CYFIP2: variants seen among roughly 807,000 people sequenced by gnomAD.
CYFIP2 encodes cytoplasmic FMR1 interacting protein 2.
Under a neutral mutation model 158.7 loss-of-function variants are expected in CYFIP2, and 29 were observed. That is an observed-to-expected ratio of 0.18 (90% confidence interval 0.14 to 0.25). CYFIP2 has a LOEUF of 0.25. CYFIP2 is among the 10% of genes least tolerant of loss of function. The pLI is 1.00. For missense variants in CYFIP2, 852 were observed against 1,639.5 expected, an observed-to-expected ratio of 0.52 and a Z score of 8.29; for synonymous variants, 585 against 617.6, an observed-to-expected ratio of 0.95 and a Z score of 0.78.
At chr5:157,274,116 G>A (rs1043161009) in intron 1 of CYFIP2, among the ~76,000 whole-genome samples, 5 of 138,954 alleles carry the variant, frequency 3.6e-5, no homozygotes, top group Admixed American at 3.0e-4. Context: ...GGGAACAAGA[G>A]TGAAACTCTG....
intron 26 of CYFIP2, among the ~76,000 whole-genome samples, chr5:157,377,751 T>C (rs539751335): frequency 2.6e-5 from 4 of 152,356 alleles, no homozygotes; most frequent in African/African-American, 4.8e-5. Context: ...GATCCTATTA[T>C]ACACATGTTC....
intron 3 of CYFIP2, among the ~76,000 whole-genome samples, chr5:157,292,977 C>G (rs1237567764): frequency 6.6e-6 from 1 of 151,724 alleles, no homozygotes; most frequent in African/African-American, 2.4e-5. Context: ...GACTAAAGGG[C>G]TAATAAGTGA....
chr5:157,369,305 A>C (rs939349521), intron 26 of CYFIP2, among the ~76,000 whole-genome samples: 1 of 152,212 alleles, frequency 6.6e-6, no homozygotes, highest in Non-Finnish European at 1.5e-5. Flanking sequence ...TTACTGATGA[A>C]AATTTGTAGT....
At chr5:157,392,256 C>T (rs1229561383) in intron 30 of CYFIP2, among the ~76,000 whole-genome samples, 1 of 152,094 alleles carries the variant, frequency 6.6e-6, no homozygotes, top group Non-Finnish European at 1.5e-5. Context: ...TGTAGTGCAA[C>T]TTTTTGCCTT....
chr5:157,313,212 TCA>T (rs1759880948), intron 11 of CYFIP2, among the ~76,000 whole-genome samples: 1 of 152,244 alleles, frequency 6.6e-6, no homozygotes, highest in South Asian at 2.1e-4. Flanking sequence ...GAGCCTCTGG[TCA>T]CAACATTTTC....
rs1429605122 is a variant in CYFIP2, at chr5:157,383,409, G to A, written c.3207+50G>A. Reference sequence around the variant, plus strand: ...GCTCTGATCACTGACAGGAACTTGAGAGCATTTGACCAAACCCCCTCATTG... The same window carrying A: ...GCTCTGATCACTGACAGGAACTTGAAAGCATTTGACCAAACCCCCTCATTG... On this transcript the variant is annotated intron_variant, in intron 28 of 30. Coordinates refer to ENST00000620254, the MANE Select transcript of CYFIP2 (RefSeq NM_001037333.3). The A allele has an allele frequency of 3.2e-6, 5 of 1,546,152 alleles. No individual in the cohort carries two copies. In the East Asian group the frequency reaches 6.8e-5, roughly 21 times the overall value.
At chr5:157,360,477 A>G in intron 25 of CYFIP2, 105 bp downstream of exon 25, 3 of 864,606 alleles carry the variant, frequency 3.5e-6, no homozygotes, top group Non-Finnish European at 5.3e-6. Flanking sequence ...GAGCTGGCAG[A>G]GTACTGGCTA....
intron 28 of CYFIP2, chr5:157,384,809 G>A (rs527306195): frequency 5.4e-5 from 16 of 295,980 alleles, no homozygotes; most frequent in Admixed American, 2.1e-4. Flanking sequence ...GCGTGGTGGC[G>A]GGCACTTGTA....
intron 10 of CYFIP2, 90 bp downstream of exon 10, chr5:157,309,924 C>T (rs1207138835): frequency 3.2e-6 from 4 of 1,235,482 alleles, no homozygotes; most frequent in Non-Finnish European, 4.6e-6. Context: ...CTCCTCCCTC[C>T]CCAGATCCCT....
intron 14 of CYFIP2, 121 bp downstream of exon 14, chr5:157,320,049 T>A: frequency 8.2e-7 from 1 of 1,222,310 alleles, no homozygotes; most frequent in Non-Finnish European, 1.1e-6. Context: ...TCCAGAGGGC[T>A]CTTTAGGAGA....
intron 23 of CYFIP2, among the ~76,000 whole-genome samples, chr5:157,346,070 C>G (rs1193293058): frequency 2.0e-5 from 3 of 151,912 alleles, no homozygotes; most frequent in African/African-American, 7.3e-5. Context: ...TTATCTTCAT[C>G]TTTCTTTATT....
intron 26 of CYFIP2, chr5:157,364,436 G>A (rs141478279): frequency 0.013 from 1,919 of 152,250 alleles, 23 homozygotes; most frequent in South Asian, 0.027. Context: ...TCAGAGCTGA[G>A]ACCTGAGACA....
intron 13 of CYFIP2, among the ~76,000 whole-genome samples, chr5:157,315,770 C>G (rs1344471693): frequency 6.6e-6 from 1 of 152,138 alleles, no homozygotes; most frequent in Non-Finnish European, 1.5e-5. Context: ...AGTTAAGATT[C>G]AGCTATATCA....
chr5:157,352,403 G>A (rs563581929), intron 23 of CYFIP2, among the ~76,000 whole-genome samples: 12 of 152,270 alleles, frequency 7.9e-5, no homozygotes, highest in East Asian at 3.9e-4. Context: ...AACACTGCCC[G>A]CCTGGGCTGA....
chr5:157,309,975 G>A (rs2288070), intron 10 of CYFIP2, 141 bp downstream of exon 10: 65,333 of 798,902 alleles, frequency 0.082, 4,134 homozygotes, highest in East Asian at 0.23. Flanking sequence ...CCGGCCGGAG[G>A]GGAGCCGCGA....
chr5:157,327,578 AT>A (rs1376471211), intron 18 of CYFIP2, among the ~76,000 whole-genome samples: 37 of 118,820 alleles, frequency 3.1e-4, no homozygotes, highest in African/African-American at 6.1e-4. Context: ...AAAAAAAAAA[AT>A]TGCAAATCAA....
At chr5:157,322,097 C>T (rs1329150340) in intron 15 of CYFIP2, among the ~76,000 whole-genome samples, 3 of 152,120 alleles carry the variant, frequency 2.0e-5, no homozygotes, top group African/African-American at 4.8e-5. Context: ...CCCGCCTCAC[C>T]CCCAACCTCT....
Position 157,311,747 on chromosome 5 carries a change from T to A in CYFIP2, c.1076T>A (p.Phe359Tyr), listed in dbSNP as rs568356129. The change falls in exon 11 of 31, where the codon TTC (phenylalanine) becomes TAC (tyrosine). Residue 359 changes from phenylalanine (F) to tyrosine (Y), a missense_variant. Physicochemically the swap from Phe to Tyr is conservative, Grantham distance 22. Coordinates refer to ENST00000620254, the MANE Select transcript of CYFIP2 (RefSeq NM_001037333.3). This position sits in a 1 kb window ranked among gnomAD's most constrained non-coding sequence, Gnocchi z 4.7. ...MVQIRDDHIRFISELARYSNS... is the reference protein window; with the variant it reads ...MVQIRDDHIRYISELARYSNS... ...CAGATCCGGGATGACCACATCCGCT[T>A]CATCTCCGAGCTCGCTCGCTACAGC... 1 of 1,605,820 alleles carries A rather than the reference T, an allele frequency of 6.2e-7. No individual in the cohort carries two copies. Among genetic ancestry groups the A allele is most frequent in the African/African-American group, 1.3e-5 (1 of 74,884 alleles).
intron 1 of CYFIP2, among the ~76,000 whole-genome samples, chr5:157,276,298 A>G (rs970219287): frequency 6.6e-6 from 1 of 152,002 alleles, no homozygotes; most frequent in South Asian, 2.1e-4. Context: ...CAAGTTGAGG[A>G]TATTCTCTAA....
Sources: allele counts gnomAD v4.1 joint callset (sites outside exome capture counted in the v4.1 genomes callset), GRCh38; gene constraint gnomAD v4.1.1; non-coding constraint Gnocchi (gnomAD v3.1); transcripts MANE v1.5; gene names NCBI Gene and HGNC (gene_info 2026-07-23, HGNC 2026-07-21).